Variants in TRAF3 observed in about 807,000 individuals in gnomAD.
TRAF3 encodes the protein TNF receptor associated factor 3.
Under a neutral mutation model 62.3 loss-of-function variants are expected in TRAF3, and 13 were observed. The ratio of observed to expected loss-of-function variants is 0.21; its 90% confidence interval spans 0.14 to 0.33. The LOEUF is 0.33. Among genes scored for constraint, TRAF3 ranks in the 10% least tolerant of loss-of-function variants. TRAF3 has a pLI of 1.00. For missense variants in TRAF3, 440 were observed against 741.8 expected, an observed-to-expected ratio of 0.59 and a Z score of 4.73; for synonymous variants, 269 against 283.4, an observed-to-expected ratio of 0.95 and a Z score of 0.51.
intron 2 of TRAF3, among the ~76,000 whole-genome samples, chr14:102,854,691 G>A (rs979822094): frequency 2.0e-5 from 3 of 151,594 alleles, no homozygotes; most frequent in Non-Finnish European, 4.4e-5. Flanking sequence ...TAGAGATGGG[G>A]TTTTTTACTG....
intron 3 of TRAF3, among the ~76,000 whole-genome samples, chr14:102,870,903 C>T (rs538128616): frequency 9.2e-4 from 140 of 152,338 alleles, no homozygotes; most frequent in Non-Finnish European, 1.7e-3. Flanking sequence ...ACTCAGCAGG[C>T]GTGTGTGGAA....
chr14:102,818,194 G>T (rs1026666043), intron 1 of TRAF3, among the ~76,000 whole-genome samples: 5 of 152,166 alleles, frequency 3.3e-5, no homozygotes, highest in Non-Finnish European at 7.3e-5. Context: ...TTCTGGCAGG[G>T]TGGTTTGGGT....
chr14:102,858,928 G>C (rs1399745752), intron 2 of TRAF3, among the ~76,000 whole-genome samples: 3 of 152,110 alleles, frequency 2.0e-5, no homozygotes, highest in Non-Finnish European at 2.9e-5. Context: ...TTTAATGTCA[G>C]ACCAGAAGGT....
At chr14:102,854,247 C>T (rs1025206537) in intron 2 of TRAF3, among the ~76,000 whole-genome samples, 1 of 151,904 alleles carries the variant, frequency 6.6e-6, no homozygotes, top group Non-Finnish European at 1.5e-5. Context: ...CTGCTGTGAA[C>T]GTTTGTGAAC....
intron 1 of TRAF3, among the ~76,000 whole-genome samples, chr14:102,829,309 T>G (rs1169913624): frequency 6.6e-6 from 1 of 152,226 alleles, no homozygotes; most frequent in Non-Finnish European, 1.5e-5. Flanking sequence ...CATTCGTGAT[T>G]AGTGTAAATA....
chr14:102,891,850 T>C (rs1889735736), intron 9 of TRAF3, among the ~76,000 whole-genome samples: 1 of 152,182 alleles, frequency 6.6e-6, no homozygotes, highest in Non-Finnish European at 1.5e-5. Flanking sequence ...CTTGGCTCTT[T>C]ACAGAATAAG....
At chr14:102,881,696 T>G (rs1169073841) in intron 6 of TRAF3, among the ~76,000 whole-genome samples, 1 of 152,222 alleles carries the variant, frequency 6.6e-6, no homozygotes, top group Non-Finnish European at 1.5e-5. Flanking sequence ...CACATTTACC[T>G]GTGTAACAAA....
intron 11 of TRAF3, 31 bp from the exon 12 acceptor site, chr14:102,905,182 T>G (rs1890526321): frequency 6.2e-7 from 1 of 1,604,760 alleles, no homozygotes; most frequent in Non-Finnish European, 8.5e-7. Context: ...TTCACCTGTC[T>G]CATTCACCAA....
At chr14:102,839,640 G>A (rs780586797) in intron 2 of TRAF3, among the ~76,000 whole-genome samples, 1 of 152,232 alleles carries the variant, frequency 6.6e-6, no homozygotes. Flanking sequence ...CATACTGTCA[G>A]TGTGTCGCCC....
At chr14:102,902,437 G>A (rs1438981991) in intron 10 of TRAF3, among the ~76,000 whole-genome samples, 2 of 152,210 alleles carry the variant, frequency 1.3e-5, no homozygotes, top group African/African-American at 4.8e-5. Context: ...ACAGAGACAG[G>A]ACTGTGCTTC....
chr14:102,903,201 A>G lies in TRAF3; in HGVS notation c.961-54A>G, dbSNP rs778021790. ...GTCTGTATTTGATGGAAGGTGGTGC[A>G]GCATTTTCCGAGTCCTAACTGTGTT... On this transcript the variant is annotated intron_variant, in intron 10 of 11. Transcript: ENST00000392745. The surrounding 1 kb of genome is among the most constrained non-coding windows in gnomAD (Gnocchi z 6.4). 5 of 1,612,346 alleles carry G rather than the reference A, an allele frequency of 3.1e-6. No individual in the cohort carries two copies. In the South Asian group the frequency reaches 5.5e-5, roughly 18 times the overall value.
At chr14:102,816,648 A>G (rs574606802) in intron 1 of TRAF3, among the ~76,000 whole-genome samples, 27 of 152,194 alleles carry the variant, frequency 1.8e-4, no homozygotes, top group Non-Finnish European at 3.1e-4. Flanking sequence ...GTATTTTTTA[A>G]TAGCATGACA....
At chr14:102,802,759 C>G (rs1021558955) in intron 1 of TRAF3, among the ~76,000 whole-genome samples, 6 of 151,794 alleles carry the variant, frequency 4.0e-5, no homozygotes, top group African/African-American at 1.5e-4. Flanking sequence ...ACTTGGGAGG[C>G]GGAAGTTTCA....
At chr14:102,901,245 G>A (rs1388027690) in intron 10 of TRAF3, among the ~76,000 whole-genome samples, 2 of 152,150 alleles carry the variant, frequency 1.3e-5, no homozygotes, top group Non-Finnish European at 2.9e-5. Flanking sequence ...ATCGCGGGGA[G>A]GGGTGGCTCG....
intron 7 of TRAF3, among the ~76,000 whole-genome samples, 165 bp from the exon 8 acceptor site, chr14:102,889,395 C>T (rs930792020): frequency 3.9e-5 from 6 of 152,118 alleles, no homozygotes; most frequent in Admixed American, 1.3e-4. Flanking sequence ...GTGACTAGAC[C>T]GTATATTTAC....
At chr14:102,882,596 T>A (rs773102600) in intron 6 of TRAF3, among the ~76,000 whole-genome samples, 1 of 147,464 alleles carries the variant, frequency 6.8e-6, no homozygotes, top group Non-Finnish European at 1.5e-5. Flanking sequence ...TTGAACACCC[T>A]TATTCTCATC....
chr14:102,806,791 G>A lies in TRAF3; in HGVS notation c.-156-23543G>A, dbSNP rs141986230. ...GTGCTTCATACAGCTGGTCTCAGAG[G>A]GGCTCATTGTCCCGGACCTGCAGGA... On this transcript the variant is annotated intron_variant, in intron 1 of 11. Transcript: ENST00000392745. 2.6e-5 allele frequency among the ~76,000 whole-genome samples: 4 copies of A among 152,226 alleles called. No homozygotes were observed. In the East Asian group the frequency reaches 7.7e-4, roughly 29 times the overall value.
chr14:102,847,626 G>C (rs1351227917), intron 2 of TRAF3, among the ~76,000 whole-genome samples: 1 of 152,144 alleles, frequency 6.6e-6, no homozygotes, highest in Non-Finnish European at 1.5e-5. Flanking sequence ...CTTCCTTCCT[G>C]ATCAAGCTTC....
chr14:102,837,015 T>C (rs1040817598), intron 2 of TRAF3, among the ~76,000 whole-genome samples: 8 of 152,154 alleles, frequency 5.3e-5, no homozygotes, highest in African/African-American at 9.7e-5. Flanking sequence ...CCTTGCTCTT[T>C]CCTCCTCCTC....
Sources: allele counts gnomAD v4.1 joint callset (sites outside exome capture counted in the v4.1 genomes callset), GRCh38; gene constraint gnomAD v4.1.1; non-coding constraint Gnocchi (gnomAD v3.1); transcripts MANE v1.5; gene names NCBI Gene and HGNC (gene_info 2026-07-23, HGNC 2026-07-21).